The following HERC3 variants were observed in gnomAD, a reference collection of about 807,000 sequenced individuals.
HERC3 encodes the protein probable E3 ubiquitin-protein ligase HERC3.
HERC3 carries 58 observed loss-of-function variants against 129.9 expected under a neutral mutation model. That is an observed-to-expected ratio of 0.45 (90% CI 0.36 to 0.56). HERC3 has a LOEUF of 0.56. Among genes scored for constraint, HERC3 ranks in the 20% least tolerant of loss-of-function variants. HERC3 has a pLI of 0.00. For synonymous variants in HERC3, 430 were observed against 451.0 expected, an observed-to-expected ratio of 0.95 and a Z score of 0.59; for missense variants, 835 against 1,244.2, an observed-to-expected ratio of 0.67 and a Z score of 4.95.
chr4:88,611,658 C>T (rs2149204746), intron 3 of HERC3, among the ~76,000 whole-genome samples: 1 of 152,284 alleles, frequency 6.6e-6, no homozygotes, highest in East Asian at 1.9e-4. Context: ...TCCATGGTGG[C>T]CAACTCCAAG....
chr4:88,642,250 G>T (rs1438325419), intron 3 of HERC3, among the ~76,000 whole-genome samples: 1 of 151,782 alleles, frequency 6.6e-6, no homozygotes, highest in Non-Finnish European at 1.5e-5. Context: ...AATAAAATCT[G>T]CTTTAAACAA....
intron 3 of HERC3, among the ~76,000 whole-genome samples, chr4:88,619,960 T>C (rs1725337415): frequency 6.6e-6 from 1 of 152,234 alleles, no homozygotes; most frequent in African/African-American, 2.4e-5. Context: ...GTTGTGCTGA[T>C]TGAGCAGGTG....
At chr4:88,697,734 CT>C (rs1162266498) in intron 23 of HERC3, 1 of 1,609,942 alleles carries the variant, frequency 6.2e-7, no homozygotes, top group Non-Finnish European at 8.5e-7. Context: ...CCGCAGGCCC[CT>C]GGTTTTCCGA....
chr4:88,698,932 C>G (rs1734993453), intron 23 of HERC3, among the ~76,000 whole-genome samples: 1 of 132,282 alleles, frequency 7.6e-6, no homozygotes, highest in Non-Finnish European at 1.6e-5. Context: ...CCTCACCCTC[C>G]TCACCCCCTT....
the HERC3 span, among the ~76,000 whole-genome samples, chr4:88,561,561 T>C: frequency 6.6e-6 from 1 of 152,178 alleles, no homozygotes; most frequent in Non-Finnish European, 1.5e-5. Context: ...AATAAATTAC[T>C]GATAACTGTA....
chr4:88,693,741 C>T, intron 23 of HERC3: 2 of 949,672 alleles, frequency 2.1e-6, no homozygotes, highest in African/African-American at 1.8e-5. Context: ...TGCCATTTTT[C>T]ACAGTAAGCA....
chr4:88,668,977 G>A (rs17014397), intron 14 of HERC3, among the ~76,000 whole-genome samples: 6,696 of 152,172 alleles, frequency 0.044, 182 homozygotes, highest in Middle Eastern at 0.12. Flanking sequence ...GAAACAGAGA[G>A]GTGGCAATAT....
chr4:88,652,209 C>T (rs1412842201), intron 5 of HERC3, 121 bp downstream of exon 5: 7 of 714,734 alleles, frequency 9.8e-6, no homozygotes, highest in Admixed American at 6.7e-5. Flanking sequence ...CTATGCATTG[C>T]TGTTGGACAG....
At chr4:88,701,982 A>T (rs576208713) in intron 23 of HERC3, among the ~76,000 whole-genome samples, 1 of 151,860 alleles carries the variant, frequency 6.6e-6, no homozygotes, top group Non-Finnish European at 1.5e-5. Flanking sequence ...TTTTGTGGAG[A>T]CTGGGTCTTG....
chr4:88,652,824 A>G (rs1355290770), intron 5 of HERC3, 45 bp from the exon 6 acceptor site: 2 of 1,556,650 alleles, frequency 1.3e-6, no homozygotes, highest in Non-Finnish European at 1.8e-6. Flanking sequence ...TTGTGTGTGG[A>G]GCTTGTATCA....
At chr4:88,594,424 T>TG (rs1281055447) in intron 1 of HERC3, among the ~76,000 whole-genome samples, 2 of 152,130 alleles carry the variant, frequency 1.3e-5, no homozygotes, top group Non-Finnish European at 2.9e-5. Context: ...TCTTTCGAGA[T>TG]GGGGGGTCTC....
chr4:88,525,400 A>G, the HERC3 span, among the ~76,000 whole-genome samples: 3 of 152,204 alleles, frequency 2.0e-5, no homozygotes, highest in East Asian at 1.9e-4. Context: ...GCTGTAGGAA[A>G]GATAAGTTTC....
upstream of HERC3, among the ~76,000 whole-genome samples, chr4:88,591,476 A>T (rs1405836575): frequency 6.6e-6 from 1 of 152,134 alleles, no homozygotes; most frequent in East Asian, 1.9e-4. Context: ...CCTTGGTAAG[A>T]ATCTATCCTC....
the HERC3 span, among the ~76,000 whole-genome samples, chr4:88,581,753 G>A: frequency 6.6e-6 from 1 of 152,192 alleles, no homozygotes; most frequent in South Asian, 2.1e-4. Flanking sequence ...CCCCTGGCCT[G>A]AAAATATTTC....
the HERC3 span, among the ~76,000 whole-genome samples, chr4:88,553,463 G>C: frequency 6.6e-6 from 1 of 152,096 alleles, no homozygotes; most frequent in African/African-American, 2.4e-5. Flanking sequence ...TGTCACATTT[G>C]ACAATAATAT....
chr4:88,587,812 A>G (rs1721569797), upstream of HERC3, among the ~76,000 whole-genome samples: 1 of 152,256 alleles, frequency 6.6e-6, no homozygotes, highest in South Asian at 2.1e-4. Flanking sequence ...ACATGCATGT[A>G]TTCTGTGCAG....
intron 3 of HERC3, among the ~76,000 whole-genome samples, chr4:88,610,214 G>A (rs954105675): frequency 8.5e-5 from 13 of 152,162 alleles, no homozygotes; most frequent in Non-Finnish European, 1.9e-4. Flanking sequence ...CCGCACATTG[G>A]GAAGCCGAGC....
chr4:88,642,152 A>AAT (rs1326011944), intron 3 of HERC3, among the ~76,000 whole-genome samples: 94 of 150,652 alleles, frequency 6.2e-4, no homozygotes, highest in Middle Eastern at 3.4e-3. Flanking sequence ...AAAAAAAAAA[A>AAT]GGAAGGAAGA....
chr4:88,561,881 T>C, the HERC3 span, among the ~76,000 whole-genome samples: 3 of 152,318 alleles, frequency 2.0e-5, no homozygotes, highest in Middle Eastern at 3.4e-3. Flanking sequence ...ACATTTTCTT[T>C]ATCCATTCAT....
Sources: gnomAD v4.1 joint callset for allele counts (sites outside exome capture counted in the v4.1 genomes callset) on GRCh38, gnomAD v4.1.1 for gene constraint, MANE v1.5 for transcripts, NCBI Gene and HGNC (gene_info 2026-07-23, HGNC 2026-07-21) for gene names.